Variants in PAX9 observed in about 807,000 individuals in gnomAD.
PAX9 encodes paired box protein Pax-9.
Under a neutral mutation model 29.1 loss-of-function variants are expected in PAX9, and 6 were observed. That is an observed-to-expected ratio of 0.21 (90% CI 0.11 to 0.41). PAX9 has a LOEUF of 0.41. Ranked by LOEUF, PAX9 falls within the 10% of genes least tolerant of loss-of-function variation. The probability of loss-of-function intolerance (pLI) is 1.00; values close to 1 mark genes in which losing one functional copy is unlikely to be tolerated. For synonymous variants in PAX9, 217 were observed against 211.7 expected, an observed-to-expected ratio of 1.03 and a Z score of -0.22; for missense variants, 443 against 479.1, an observed-to-expected ratio of 0.92 and a Z score of 0.70.
intron 3 of PAX9, among the ~76,000 whole-genome samples, chr14:36,674,784 C>T (rs551645213): frequency 6.6e-6 from 1 of 152,322 alleles, no homozygotes; most frequent in Admixed American, 6.5e-5. Context: ...AAAAACACAA[C>T]ATGAGGTGTT....
chr14:36,661,233 T>TG (rs1405828323), upstream of PAX9, among the ~76,000 whole-genome samples: 1 of 152,220 alleles, frequency 6.6e-6, no homozygotes, highest in East Asian at 1.9e-4. Flanking sequence ...CCACCTGGAC[T>TG]GGGGGGTCGC....
At position 36,678,751 on chromosome 14, in the gene PAX9, T is replaced by TC; in HGVS notation, c.*2300dup. On this transcript the variant is annotated 3_prime_UTR_variant, in exon 4 of 4. Coordinates refer to ENST00000361487, the MANE Select transcript of PAX9 (RefSeq NM_001372076.1). ...GTTATTGTGCTATTTATAATTTTTT[T>TC]CTGGTTCTTGTATTTTAAAAAATCT... 1 of 1,135,776 alleles carries TC rather than the reference T, an allele frequency of 8.8e-7. No individual in the cohort carries two copies. The highest frequency in any genetic ancestry group is 1.1e-6 in the Non-Finnish European group (1 of 921,020). The allele number at this position is 1,135,776 out of a possible 1,614,324, so 70.4% of individuals were successfully genotyped here. A position where few individuals can be genotyped will look rare whatever the true frequency, so the allele number is the denominator to read the frequency against.
intron 3 of PAX9, among the ~76,000 whole-genome samples, chr14:36,666,960 T>G (rs981661717): frequency 1.3e-5 from 2 of 151,990 alleles, no homozygotes; most frequent in African/African-American, 4.8e-5. Flanking sequence ...GGGGTAGAGT[T>G]AACCAAAGAA....
At chr14:36,664,482 C>T (rs1881413612) in intron 2 of PAX9, among the ~76,000 whole-genome samples, 2 of 152,136 alleles carry the variant, frequency 1.3e-5, no homozygotes, top group Admixed American at 6.5e-5. Context: ...TCCTAAGCGT[C>T]CTTTCTGCCT....
At chr14:36,662,169 A>AGGGAGCGC in intron 1 of PAX9, 76 bp downstream of exon 1, 1 of 365,850 alleles carries the variant, frequency 2.7e-6, no homozygotes, top group Middle Eastern at 9.1e-4. Context: ...GGAGGGAGGG[A>AGGGAGCGC]GGGAGCGCGA....
chr14:36,662,804 G>A (rs754636768), intron 1 of PAX9, 93 bp from the exon 2 acceptor site: 16 of 1,488,512 alleles, frequency 1.1e-5, no homozygotes, highest in Non-Finnish European at 1.2e-5. Flanking sequence ...GGGTGCGTTC[G>A]CCCAGTCCCC....
chr14:36,666,415 C>T, intron 2 of PAX9, 47 bp from the exon 3 acceptor site: 1 of 1,591,984 alleles, frequency 6.3e-7, no homozygotes, highest in Non-Finnish European at 8.5e-7. Flanking sequence ...AAGAGTGGGG[C>T]GCGCGGGCTG....
chr14:36,676,730 A>G lies in PAX9; in HGVS notation c.*278A>G, dbSNP rs1447373227. 4.2e-6 allele frequency: 2 copies of G among 479,520 alleles called. No individual in the cohort carries two copies. Among genetic ancestry groups the G allele is most frequent in the Non-Finnish European group, 7.6e-6 (2 of 262,048 alleles). 29.7% of individuals were successfully genotyped at this position (479,520 alleles called of 1,614,324 possible). On this transcript the variant is annotated 3_prime_UTR_variant, in exon 4 of 4. Transcript: ENST00000361487. ...TGTTGCCCACATACTGTCTTAACAT[A>G]ACAAAGAAACCTACACCCCTCAAAG...
In PAX9 at chr14:36,679,180, T is replaced by A. The variant is rs1048200; in HGVS notation, c.*2728T>A. ...TGCAACAGAGACACATTCTTATTTC[T>A]TTTTTTTCACAATTTTGTTTTGTTT... On this transcript the variant is annotated 3_prime_UTR_variant, in exon 4 of 4. Transcript: ENST00000361487. 0.5 allele frequency: 496,528 copies of A among 984,044 alleles called. 126,038 individuals carry two copies. The highest frequency in any genetic ancestry group is 0.61 in the Admixed American group (9,918 of 16,196). The allele number at this position is 984,044 out of a possible 1,614,324, so 61.0% of individuals were successfully genotyped here.
In PAX9 at chr14:36,676,240, T is replaced by C. The variant is rs1408470378; in HGVS notation, c.814T>C (p.Ser272Pro). 1 of 1,614,190 alleles carries C rather than the reference T, an allele frequency of 6.2e-7. No individual in the cohort carries two copies. Residue 272 changes from serine (S) to proline (P), a missense_variant, in exon 4 of 4, where the codon TCC (serine) becomes CCC (proline). By Grantham distance (74) the Ser-to-Pro change is moderately conservative. Transcript: ENST00000361487. ...LPAVGSFVSA[S>P]SMAPYPTPAQ... ...AGCTGTGGGCAGTTTTGTGTCAGCA[T>C]CCAGCATGGCTCCTTACCCTACCCC...
At chr14:36,663,549 G>C (rs760185928) in intron 2 of PAX9, 26 bp downstream of exon 2, 1 of 1,612,258 alleles carries the variant, frequency 6.2e-7, no homozygotes. Flanking sequence ...CTGGGCGTGT[G>C]GATGTGCAGC....
At chr14:36,658,740 G>T (rs1881138259), upstream of PAX9, 1 of 152,254 alleles carries the variant, frequency 6.6e-6, no homozygotes, top group African/African-American at 2.4e-5. Context: ...GGCGCCGCAG[G>T]TGACTGCCCG....
At chr14:36,662,687 G>A (rs1416348910) in intron 1 of PAX9, 2 of 621,432 alleles carry the variant, frequency 3.2e-6, no homozygotes, top group Non-Finnish European at 5.5e-6. Context: ...CCTCCGGCAC[G>A]GCAGGAATGA....
In PAX9 at chr14:36,676,190, CCT is replaced by C; in HGVS notation, c.772-4_772-3del. ...GATTATTTTTCACTTCTTTTCTACT[CCT>C]CTCAGGCACCAAATGGTCTCCCAGC... is the stretch of plus-strand genomic sequence containing the variant. On this transcript the variant is annotated splice_polypyrimidine_tract_variant and splice_region_variant and intron_variant, in intron 3 of 3. Coordinates refer to ENST00000361487, the MANE Select transcript of PAX9 (RefSeq NM_001372076.1). 6.2e-7 allele frequency: 1 copy of C among 1,613,998 alleles called. No homozygotes were observed. The highest frequency in any genetic ancestry group is 8.5e-7 in the Non-Finnish European group (1 of 1,179,904).
chr14:36,666,248 G>A, intron 2 of PAX9: 1 of 581,762 alleles, frequency 1.7e-6, no homozygotes, highest in Non-Finnish European at 3.0e-6. Flanking sequence ...AGAGAATTTG[G>A]AAAGGCCTAC....
At chr14:36,674,371 T>C (rs1342231334) in intron 3 of PAX9, among the ~76,000 whole-genome samples, 1 of 152,226 alleles carries the variant, frequency 6.6e-6, no homozygotes, top group Non-Finnish European at 1.5e-5. Flanking sequence ...GGACCCTGCA[T>C]TGGGCAGGGG....
At chr14:36,660,753 CT>C (rs1881227134), upstream of PAX9, among the ~76,000 whole-genome samples, 1 of 152,198 alleles carries the variant, frequency 6.6e-6, no homozygotes, top group South Asian at 2.1e-4. Flanking sequence ...TATTTCTCTT[CT>C]TGTTTATTAT....
chr14:36,669,453 A>C (rs17104920), intron 3 of PAX9, among the ~76,000 whole-genome samples: 3,173 of 152,236 alleles, frequency 0.021, 123 homozygotes, highest in African/African-American at 0.072. Context: ...AAAGCTTTAA[A>C]ATTTTTCCCA....
chr14:36,676,112 A>T (rs772311678), intron 3 of PAX9, 86 bp from the exon 4 acceptor site: 2 of 1,447,776 alleles, frequency 1.4e-6, no homozygotes, highest in South Asian at 1.2e-5. Context: ...GCTTACTCAG[A>T]CTTAAGTTCT....
Sources: allele counts gnomAD v4.1 joint callset (sites outside exome capture counted in the v4.1 genomes callset), GRCh38; gene constraint gnomAD v4.1.1; transcripts MANE v1.5; gene names NCBI Gene and HGNC (gene_info 2026-07-23, HGNC 2026-07-21).